The following GOLGA3 variants were observed in gnomAD, a reference collection of about 807,000 sequenced individuals.
The protein encoded by GOLGA3 is golgin A3, also known as golgin subfamily A member 3.
Under a neutral mutation model 169.4 loss-of-function variants are expected in GOLGA3, and 75 were observed. The observed-to-expected ratio is 0.44, with a 90% confidence interval of 0.37 to 0.54. GOLGA3 has a LOEUF of 0.54. Ranked by LOEUF, GOLGA3 falls within the 20% of genes least tolerant of loss-of-function variation. The pLI, the probability that GOLGA3 is intolerant of heterozygous loss-of-function variation, is 0.00. For synonymous variants in GOLGA3, 824 were observed against 822.4 expected, an observed-to-expected ratio of 1.00 and a Z score of -0.03; for missense variants, 1,899 against 1,930.0, an observed-to-expected ratio of 0.98 and a Z score of 0.30.
In GOLGA3 at chr12:132,804,651, A is replaced by G; in HGVS notation, c.1597+65T>C. 9 of 1,356,970 alleles carry G rather than the reference A, an allele frequency of 6.6e-6. No individual in the cohort carries two copies. Among genetic ancestry groups the G allele is most frequent in the Non-Finnish European group, 9.3e-6 (9 of 970,798 alleles). The allele number at this position is 1,356,970 out of a possible 1,614,324, so 84.1% of individuals were successfully genotyped here. On this transcript the variant is annotated intron_variant, in intron 7 of 23. Transcript: ENST00000450791. This position sits in a 1 kb window ranked among gnomAD's most constrained non-coding sequence, Gnocchi z 4.1. The stretch of plus-strand genomic sequence containing the variant: ...AGGAGGGCGTGGCGGGGGCCAGTCG[A>G]GGAAGGAGGAGGGAGCAGCAGGGAC...
rs2045300829 is a variant in GOLGA3 at position 132,777,304 on chromosome 12, C to A, written c.3723-214G>T. Among the ~76,000 whole-genome samples, 1 of 152,150 alleles carries A rather than the reference C, an allele frequency of 6.6e-6. No individual in the cohort carries two copies. Among genetic ancestry groups the A allele is most frequent in the Admixed American group, 6.5e-5 (1 of 15,270 alleles). Reference sequence around the variant, plus strand: ...CACTTCACTGGCACCCCTCACAGATCCCAGAGACTCACTTTGCCGGCACCC... The same window carrying A: ...CACTTCACTGGCACCCCTCACAGATACCAGAGACTCACTTTGCCGGCACCC... On this transcript the variant is annotated intron_variant, in intron 19 of 23. Transcript: ENST00000450791. This position sits in a 1 kb window ranked among gnomAD's most constrained non-coding sequence, Gnocchi z 4.7.
Position 132,804,751 on chromosome 12 carries a change from T to A in GOLGA3, c.1562A>T (p.Asp521Val), listed in dbSNP as rs937056192. The change falls in exon 7 of 24, where the codon GAC becomes GTC. Residue 521 changes from aspartate (D) to valine (V), a missense_variant. Physicochemically the swap from Asp to Val is radical, Grantham distance 152 (BLOSUM62 -3). Coordinates refer to ENST00000450791, the MANE Select transcript of GOLGA3 (RefSeq NM_001389683.1). The surrounding 1 kb of genome is among the most constrained non-coding windows in gnomAD (Gnocchi z 4.1). ...CTTGCTGAGCATGCTCCTCTGCATG[T>A]CCTCTACCTTGGCCATAAGCCTCTG... ...QYQRLMAKVE[D>V]MQRSMLSKDN... is the part of the protein sequence containing the mutation. 6.2e-7 allele frequency: 1 copy of A among 1,614,164 alleles called. No homozygotes were observed. The highest frequency in any genetic ancestry group is 8.5e-7 in the Non-Finnish European group (1 of 1,180,006).
intron 1 of GOLGA3, among the ~76,000 whole-genome samples, chr12:132,825,208 G>A (rs1287675424): frequency 6.6e-6 from 1 of 151,964 alleles, no homozygotes; most frequent in East Asian, 1.9e-4. Flanking sequence ...TACGCGTGCA[G>A]ACCCTCCTGG....
chr12:132,795,878 CTCT>C lies in GOLGA3; in HGVS notation c.2440_2442del (p.Arg814del). On this transcript the variant is annotated inframe_deletion, in exon 11 of 24. Coordinates refer to ENST00000450791, the MANE Select transcript of GOLGA3 (RefSeq NM_001389683.1). ...TGGCCGGATTTGATAGCTAATTCTT[CTCT>C]TAACTTCTCTAAAGTTTCCGACGTT... 1 of 1,613,722 alleles carries C rather than the reference CTCT, an allele frequency of 6.2e-7. No individual in the cohort carries two copies. Among genetic ancestry groups the C allele is most frequent in the Non-Finnish European group, 8.5e-7 (1 of 1,179,628 alleles).
rs777518351 is a variant in GOLGA3, at chr12:132,775,121, A to G, written c.4143+20T>C. On this transcript the variant is annotated intron_variant, in intron 22 of 23. Transcript: ENST00000450791. The stretch of plus-strand genomic sequence containing the variant: ...TACAGCGCACGTCGGCTACCCCGGG[A>G]GGGACGCGGGCCTGAGTACCGTCTT... 6.2e-7 allele frequency: 1 copy of G among 1,606,514 alleles called. No homozygotes were observed. Among genetic ancestry groups the G allele is most frequent in the Non-Finnish European group, 8.5e-7 (1 of 1,178,122 alleles).
intron 8 of GOLGA3, among the ~76,000 whole-genome samples, chr12:132,800,271 G>A (rs936983976): frequency 2.6e-5 from 4 of 152,056 alleles, no homozygotes; most frequent in Admixed American, 6.6e-5. Context: ...TGAGGAAGGC[G>A]GATCACAAGG....
intron 16 of GOLGA3, among the ~76,000 whole-genome samples, chr12:132,782,907 A>G (rs914793561): frequency 2.0e-5 from 3 of 151,880 alleles, no homozygotes; most frequent in African/African-American, 7.3e-5. Context: ...AAGAAAAGAA[A>G]AGAAACATCG....
chr12:132,798,212 C>T, intron 9 of GOLGA3, 128 bp downstream of exon 9: 1 of 815,266 alleles, frequency 1.2e-6, no homozygotes, highest in Non-Finnish European at 1.8e-6. Flanking sequence ...AACGAGCAGT[C>T]ACTGCCCGCC....
At chr12:132,818,997 T>C (rs1175540810) in intron 2 of GOLGA3, among the ~76,000 whole-genome samples, 1 of 150,506 alleles carries the variant, frequency 6.6e-6, no homozygotes, top group East Asian at 1.9e-4. Flanking sequence ...AAGATTTCTT[T>C]CAATGAAGTG....
intron 18 of GOLGA3, among the ~76,000 whole-genome samples, chr12:132,778,819 C>T (rs1370318603): frequency 2.7e-5 from 4 of 150,378 alleles, no homozygotes; most frequent in Non-Finnish European, 4.4e-5. Context: ...CACTTGAACC[C>T]GGGAGGCAGA....
intron 23 of GOLGA3, 132 bp from the exon 24 acceptor site, chr12:132,773,426 A>T: frequency 1.9e-6 from 1 of 527,200 alleles, no homozygotes; most frequent in Admixed American, 3.6e-5. Context: ...ACCAACTGAG[A>T]CCACAGAAGC....
chr12:132,782,342 G>A lies in GOLGA3; in HGVS notation c.3419C>T (p.Thr1140Ile). The A allele has an allele frequency of 6.2e-7, 1 of 1,614,260 alleles. No individual in the cohort carries two copies. Among genetic ancestry groups the A allele is most frequent in the Non-Finnish European group, 8.5e-7 (1 of 1,180,040 alleles). ...GTCTGCCTCCCTCTTGGCCAAAGCT[G>A]TTTCTAGGATGCTGTTGTGTTCCCG... ...ALREHNSILE[T>I]ALAKREADLV... is the part of the protein sequence containing the mutation. Residue 1140 changes from threonine to isoleucine, a missense_variant, in exon 17 of 24, where the codon ACA (threonine) becomes ATA (isoleucine). Physicochemically the swap from Thr to Ile is moderately conservative, Grantham distance 89. Transcript: ENST00000450791.
intron 4 of GOLGA3, among the ~76,000 whole-genome samples, chr12:132,811,217 T>C (rs748346335): frequency 8.1e-6 from 1 of 122,768 alleles, no homozygotes; most frequent in Admixed American, 8.0e-5. Context: ...CCGGCCCAGC[T>C]GTCTTTTATC....
In GOLGA3 at chr12:132,777,550, A is replaced by T; in HGVS notation, c.3722+116T>A. ...TGCCTTCTACTCCTATGATTCACTC[A>T]AGTACTCGGCAATTTGCAAAATATA... On this transcript the variant is annotated intron_variant, in intron 19 of 23. Coordinates refer to ENST00000450791, the MANE Select transcript of GOLGA3 (RefSeq NM_001389683.1). This position sits in a 1 kb window ranked among gnomAD's most constrained non-coding sequence, Gnocchi z 4.7. 2 of 1,141,354 alleles carry T rather than the reference A, an allele frequency of 1.8e-6. No individual in the cohort carries two copies. The highest frequency in any genetic ancestry group is 2.5e-6 in the Non-Finnish European group (2 of 794,540). The allele number at this position is 1,141,354 out of a possible 1,614,324, so 70.7% of individuals were successfully genotyped here.
rs1393673182 is a variant in GOLGA3, at chr12:132,807,912, C to A, written c.1157G>T (p.Arg386Leu). 1 of 1,599,934 alleles carries A rather than the reference C, an allele frequency of 6.3e-7. No homozygotes were observed. Among genetic ancestry groups the A allele is most frequent in the African/African-American group, 1.4e-5 (1 of 73,578 alleles). The change falls in exon 5 of 24, where the codon CGG becomes CTG. Residue 386 changes from arginine (R) to leucine (L), a missense_variant. Transcript: ENST00000450791. ...CCACCTGCTGCAGATGCTGTCTCTC[C>A]GACTCCGCACCTCCCCGTTGACCTC... ...GQEVNGEVRS[R>L]RDSICSSVSL...
rs112282760 is a variant in GOLGA3 at position 132,786,275 on chromosome 12, G to A, written c.3123+64C>T. The A allele has an allele frequency of 1.2e-4, 140 of 1,138,270 alleles. 1 individual carries two copies. In the African/African-American group the frequency reaches 1.9e-3, roughly 16 times the overall value. 70.5% of individuals were successfully genotyped at this position (1,138,270 alleles called of 1,614,324 possible). A position where few individuals can be genotyped will look rare whatever the true frequency, so the allele number is the denominator to read the frequency against. ...TAGGCTTTAGGGGACAACTGCTGAT[G>A]GAGAGCCCTTCCCTGCACTGAGGGG... is the stretch of plus-strand genomic sequence containing the variant. On this transcript the variant is annotated intron_variant, in intron 15 of 23. Transcript: ENST00000450791.
At chr12:132,774,486 TC>T in intron 22 of GOLGA3, 166 bp from the exon 23 acceptor site, 2 of 670,868 alleles carry the variant, frequency 3.0e-6, no homozygotes, top group Non-Finnish European at 2.5e-6. Flanking sequence ...TCCCCGGAGC[TC>T]CAGAATAGCT....
At chr12:132,818,249 C>T (rs140446408) in intron 2 of GOLGA3, among the ~76,000 whole-genome samples, 4 of 152,268 alleles carry the variant, frequency 2.6e-5, no homozygotes, top group South Asian at 2.1e-4. Context: ...TATGTAGTAA[C>T]GACAGTAACA....
In GOLGA3 at chr12:132,786,342, T is replaced by C. The variant is rs752082225; in HGVS notation, c.3120A>G (p.Leu1040=). The C allele has an allele frequency of 1.4e-5, 22 of 1,595,910 alleles. No individual in the cohort carries two copies. In the East Asian group the frequency reaches 4.7e-4, roughly 34 times the overall value. ...GGGATGGCACGGTGTTACCTACATGTAGAGCCAGGCTGCTGTCACTGCTGC... is the reference window on the plus strand; with the variant it reads ...GGGATGGCACGGTGTTACCTACATGCAGAGCCAGGCTGCTGTCACTGCTGC... ...QGGSSDSSLA[L]HERIQALEAE... Residue 1040 remains leucine, a synonymous_variant, in exon 15 of 24, where the codon CTA becomes CTG. Coordinates refer to ENST00000450791, the MANE Select transcript of GOLGA3 (RefSeq NM_001389683.1).
Sources: allele counts gnomAD v4.1 joint callset (sites outside exome capture counted in the v4.1 genomes callset), GRCh38; gene constraint gnomAD v4.1.1; non-coding constraint Gnocchi (gnomAD v3.1); transcripts MANE v1.5; gene names NCBI Gene and HGNC (gene_info 2026-07-23, HGNC 2026-07-21).